The following SV2C variants were observed in gnomAD, a reference collection of about 807,000 sequenced individuals.
SV2C encodes solute carrier family 22 member B3.
In SV2C, 49 loss-of-function variants were observed where a neutral mutation model predicts 79.7. That is an observed-to-expected ratio of 0.61 (90% CI 0.49 to 0.78). The LOEUF (loss-of-function observed/expected upper bound fraction) is 0.78, where lower values mean the gene tolerates loss of function less well. Among genes scored for constraint, SV2C ranks in the 30% least tolerant of loss-of-function variants. SV2C has a pLI of 0.00. For synonymous variants in SV2C, 334 were observed against 333.2 expected, an observed-to-expected ratio of 1.00 and a Z score of -0.03; for missense variants, 833 against 912.9, an observed-to-expected ratio of 0.91 and a Z score of 1.13.
At chr5:76,232,998 G>A (rs1394879183) in intron 4 of SV2C, among the ~76,000 whole-genome samples, 1 of 140,458 alleles carries the variant, frequency 7.1e-6, no homozygotes, top group South Asian at 2.1e-4. Context: ...AGCTTGATGG[G>A]GATGGCATTG....
the SV2C span, among the ~76,000 whole-genome samples, chr5:75,896,902 T>G: frequency 1.7e-4 from 25 of 146,626 alleles, no homozygotes; most frequent in African/African-American, 6.6e-4. Context: ...TTTGCCCACT[T>G]TTTGATGGGG....
chr5:76,265,366 C>T (rs1168212736), intron 4 of SV2C, among the ~76,000 whole-genome samples: 7 of 152,204 alleles, frequency 4.6e-5, no homozygotes, highest in African/African-American at 1.7e-4. Context: ...AATTTCAAGC[C>T]AGTGGTTCTT....
chr5:76,019,700 A>T, the SV2C span, among the ~76,000 whole-genome samples: 1 of 152,164 alleles, frequency 6.6e-6, no homozygotes, highest in African/African-American at 2.4e-5. Context: ...GTACGCATGA[A>T]TGAGAGAAAA....
intron 1 of SV2C, among the ~76,000 whole-genome samples, chr5:76,093,669 T>A (rs954443199): frequency 6.6e-6 from 1 of 152,122 alleles, no homozygotes; most frequent in Non-Finnish European, 1.5e-5. Flanking sequence ...TGTTCAAATT[T>A]CTCCTCTATC....
intron 1 of SV2C, among the ~76,000 whole-genome samples, chr5:76,129,394 A>T (rs1360649418): frequency 6.6e-6 from 1 of 150,656 alleles, no homozygotes; most frequent in Admixed American, 6.6e-5. Context: ...GAAAGACAAA[A>T]AGAGAACTTA....
chr5:76,309,168 C>T (rs1177838685), intron 12 of SV2C, among the ~76,000 whole-genome samples: 1 of 152,140 alleles, frequency 6.6e-6, no homozygotes, highest in Admixed American at 6.5e-5. Flanking sequence ...GTCATGAAGA[C>T]TCTTTCACAT....
downstream of SV2C, chr5:76,334,032 G>A (rs1412557482): frequency 6.6e-6 from 1 of 151,950 alleles, no homozygotes; most frequent in Non-Finnish European, 1.5e-5. Flanking sequence ...AATGTCCTTA[G>A]GTATAGAGAA....
At chr5:76,232,798 A>G (rs1425357829) in intron 4 of SV2C, among the ~76,000 whole-genome samples, 1 of 143,250 alleles carries the variant, frequency 7.0e-6, no homozygotes, top group Non-Finnish European at 1.5e-5. Context: ...ATTGATCTAT[A>G]TCTCTGTTTT....
chr5:76,351,076 C>T (rs1386173680), intron 12 of SV2C, among the ~76,000 whole-genome samples: 1 of 151,770 alleles, frequency 6.6e-6, no homozygotes, highest in Non-Finnish European at 1.5e-5. Flanking sequence ...GCATCTGCAT[C>T]ACTGGGTCGG....
the SV2C span, among the ~76,000 whole-genome samples, chr5:75,873,351 A>C: frequency 1.3e-5 from 2 of 152,036 alleles, no homozygotes; most frequent in Non-Finnish European, 2.9e-5. Context: ...TAATTTCATT[A>C]GAATAAAACA....
the SV2C span, among the ~76,000 whole-genome samples, chr5:75,896,526 G>A: frequency 3.3e-5 from 5 of 151,918 alleles, no homozygotes; most frequent in South Asian, 1.0e-3. Flanking sequence ...ATAAACATAC[G>A]TGTGCATGTG....
intron 1 of SV2C, among the ~76,000 whole-genome samples, chr5:76,108,306 T>A (rs552035745): frequency 1.3e-5 from 2 of 152,302 alleles, no homozygotes; most frequent in East Asian, 3.9e-4. Flanking sequence ...AAAGTTAACT[T>A]ATATAATGTG....
intron 12 of SV2C, among the ~76,000 whole-genome samples, chr5:76,324,782 C>A (rs966776248): frequency 1.3e-5 from 2 of 151,908 alleles, no homozygotes; most frequent in Non-Finnish European, 2.9e-5. Flanking sequence ...CTTGAACCTG[C>A]GAAGTGGAGG....
chr5:76,074,239 T>C, the SV2C span, among the ~76,000 whole-genome samples: 1 of 152,230 alleles, frequency 6.6e-6, no homozygotes, highest in Non-Finnish European at 1.5e-5. Context: ...TACTTCTTTT[T>C]GGAGTCTCCA....
At chr5:76,102,879 A>G (rs999435935) in intron 1 of SV2C, among the ~76,000 whole-genome samples, 1 of 152,190 alleles carries the variant, frequency 6.6e-6, no homozygotes, top group African/African-American at 2.4e-5. Context: ...ATTATCACCA[A>G]CCTAGAACTG....
the SV2C span, among the ~76,000 whole-genome samples, chr5:75,975,311 G>T: frequency 1.3e-5 from 2 of 152,294 alleles, no homozygotes; most frequent in East Asian, 3.9e-4. Flanking sequence ...TGAAGCAACT[G>T]TCACTCTTCA....
the SV2C span, among the ~76,000 whole-genome samples, chr5:75,980,810 G>A: frequency 6.6e-6 from 1 of 152,112 alleles, no homozygotes. Flanking sequence ...CACAAGGAAA[G>A]GATGCTCTTT....
At chr5:75,986,436 C>A in the SV2C span, among the ~76,000 whole-genome samples, 1 of 151,808 alleles carries the variant, frequency 6.6e-6, no homozygotes, top group African/African-American at 2.4e-5. Context: ...CTAGAAAAGG[C>A]AAGAAAACAT....
rs201485894 is a variant in SV2C, at chr5:76,237,993, T to C, written c.913+28106T>C. Among the ~76,000 whole-genome samples, 156 of 60,384 alleles carry C rather than the reference T, an allele frequency of 2.6e-3. No homozygotes were observed. The East Asian group carries it at 0.026, about 10-fold the overall frequency. 39.6% of individuals were successfully genotyped at this position (60,384 alleles called of 152,430 possible). ...TAACACACACACACACACACACACA[T>C]ACATACATACATACATATACACACA... On this transcript the variant is annotated intron_variant, in intron 4 of 12. Coordinates refer to ENST00000502798, the MANE Select transcript of SV2C (RefSeq NM_014979.4).
Sources: gnomAD v4.1 joint callset for allele counts (sites outside exome capture counted in the v4.1 genomes callset) on GRCh38, gnomAD v4.1.1 for gene constraint, MANE v1.5 for transcripts, NCBI Gene and HGNC (gene_info 2026-07-23, HGNC 2026-07-21) for gene names.